Variants in COG7 observed in about 807,000 individuals in gnomAD.
The protein encoded by COG7 is component of oligomeric golgi complex 7.
A neutral mutation model predicts 91.5 loss-of-function variants in COG7; 49 were observed. That is an observed-to-expected ratio of 0.54 (90% CI 0.43 to 0.68). The LOEUF (loss-of-function observed/expected upper bound fraction) is 0.68. Among genes scored for constraint, COG7 ranks in the 30% least tolerant of loss-of-function variants. The probability of loss-of-function intolerance (pLI) is 0.00; values close to 1 mark genes in which losing one functional copy is unlikely to be tolerated. For synonymous variants in COG7, 365 were observed against 388.7 expected (o/e 0.94, Z 0.72); for missense variants, 895 against 961.3 (o/e 0.93, Z 0.91).
At chr16:23,442,370 A>C in intron 4 of COG7, 107 bp downstream of exon 4, 3 of 1,045,634 alleles carry the variant, frequency 2.9e-6, no homozygotes, top group Non-Finnish European at 4.4e-6. Context: ...AGTTCCTTCT[A>C]ATCTATGTAA....
At chr16:23,441,089 G>T (rs938590661) in intron 4 of COG7, among the ~76,000 whole-genome samples, 3 of 152,092 alleles carry the variant, frequency 2.0e-5, no homozygotes, top group Admixed American at 6.6e-5. Context: ...TTTAAGGAAG[G>T]TGATTTTCTA....
chr16:23,400,367 G>A (rs1397177605), intron 13 of COG7, among the ~76,000 whole-genome samples: 2 of 152,180 alleles, frequency 1.3e-5, no homozygotes, highest in Non-Finnish European at 2.9e-5. Flanking sequence ...AATCCTTGGT[G>A]GTTTGTCGGC....
chr16:23,440,553 G>A (rs1392896449), intron 4 of COG7, among the ~76,000 whole-genome samples: 1 of 151,566 alleles, frequency 6.6e-6, no homozygotes, highest in Non-Finnish European at 1.5e-5. Context: ...TCACTCCTGG[G>A]CTCAAGCGAT....
At chr16:23,448,225 G>C (rs1001580169) in intron 1 of COG7, among the ~76,000 whole-genome samples, 10 of 152,078 alleles carry the variant, frequency 6.6e-5, no homozygotes, top group African/African-American at 1.9e-4. Flanking sequence ...AACTCCCAAG[G>C]CTGGCCAGAA....
intron 1 of COG7, among the ~76,000 whole-genome samples, chr16:23,449,989 T>C (rs1964242784): frequency 1.3e-5 from 2 of 151,914 alleles, no homozygotes; most frequent in South Asian, 4.2e-4. Context: ...GGCTGGAGTG[T>C]AGTGGTGGGA....
At chr16:23,426,818 C>CAAAAAAAAAAAAAAAAAAAAAAAAAA (rs1176659874) in intron 6 of COG7, among the ~76,000 whole-genome samples, 2 of 60,232 alleles carry the variant, frequency 3.3e-5, no homozygotes, top group Non-Finnish European at 6.7e-5. Flanking sequence ...AGCAATTGGA[C>CAAAAAAAAAAAAAAAAAAAAAAAAAA]AAAAAAAAAA....
chr16:23,393,320 G>C lies in COG7; in HGVS notation c.1915C>G (p.Leu639Val). The C allele has an allele frequency of 6.2e-7, 1 of 1,614,070 alleles. No individual in the cohort carries two copies. Among genetic ancestry groups the C allele is most frequent in the South Asian group, 1.1e-5 (1 of 91,076 alleles). Residue 639 changes from leucine (L) to valine (V), a missense_variant, in exon 15 of 17, where the codon CTG (leucine) becomes GTG (valine). Physicochemically the swap from Leu to Val is conservative, Grantham distance 32 (BLOSUM62 1). Transcript: ENST00000307149. ...TGAGTCACAAATGGCTCAAGATTCA[G>C]GGGGAGGGACATGATGTACTGCCCG... ...NIGQYIMSLPLNLEPFVTQED... is the reference protein window; with the variant it reads ...NIGQYIMSLPVNLEPFVTQED...
At position 23,418,717 on chromosome 16, in the gene COG7, T is replaced by C. The variant is rs1963697747; in HGVS notation, c.1120A>G (p.Met374Val). The change falls in exon 8 of 17, where the codon ATG (methionine) becomes GTG (valine). Residue 374 changes from methionine to valine, a missense_variant. Coordinates refer to ENST00000307149, the MANE Select transcript of COG7 (RefSeq NM_153603.4). ...DMEESNLLIQ[M>V]SAVPLEHGEV... is the part of the protein sequence containing the mutation. ...GACTTTACCAGAGGCACAGCACTCATCTGGATGAGGAGGTTGCTCTCTTCC... is the reference window on the plus strand; with the variant it reads ...GACTTTACCAGAGGCACAGCACTCACCTGGATGAGGAGGTTGCTCTCTTCC... 6.2e-7 allele frequency: 1 copy of C among 1,613,678 alleles called. No individual in the cohort carries two copies. The highest frequency in any genetic ancestry group is 1.3e-5 in the African/African-American group (1 of 74,896).
At chr16:23,424,994 A>G in intron 6 of COG7, 47 bp from the exon 7 acceptor site, 1 of 1,524,318 alleles carries the variant, frequency 6.6e-7, no homozygotes, top group South Asian at 1.2e-5. Context: ...GGAGCCAAAT[A>G]GGAGCCCACC....
chr16:23,451,015 G>A (rs1964256804), intron 1 of COG7, among the ~76,000 whole-genome samples: 1 of 152,036 alleles, frequency 6.6e-6, no homozygotes, highest in Admixed American at 6.6e-5. Context: ...CCAACATCAT[G>A]AAACCCCATC....
intron 16 of COG7, chr16:23,389,765 T>C: frequency 6.5e-6 from 1 of 152,836 alleles, no homozygotes; most frequent in South Asian, 2.1e-4. Context: ...CGGATACAGA[T>C]TTCTGAGCCT....
At chr16:23,390,190 G>GT (rs1056918558) in intron 16 of COG7, 1,589 of 125,664 alleles carry the variant, frequency 0.013, 21 homozygotes, top group African/African-American at 0.018. Context: ...CCCCTGGCTA[G>GT]TTTTTTTTTT....
intron 4 of COG7, among the ~76,000 whole-genome samples, chr16:23,440,151 G>C (rs1006047200): frequency 3.3e-5 from 5 of 151,818 alleles, no homozygotes; most frequent in African/African-American, 1.2e-4. Flanking sequence ...CACTTTGGGA[G>C]GCCAAGGCAG....
At chr16:23,403,380 C>T (rs1222833436) in intron 13 of COG7, among the ~76,000 whole-genome samples, 1 of 152,252 alleles carries the variant, frequency 6.6e-6, no homozygotes, top group African/African-American at 2.4e-5. Context: ...ATTAGCTCTT[C>T]TGACCTGGCC....
chr16:23,416,553 G>A (rs926755221), intron 9 of COG7: 12 of 274,248 alleles, frequency 4.4e-5, no homozygotes, highest in South Asian at 2.3e-4. Flanking sequence ...AGCTGGTCTC[G>A]AACTCCTGAG....
chr16:23,416,873 G>A, intron 9 of COG7, 94 bp downstream of exon 9: 1 of 1,439,604 alleles, frequency 6.9e-7, no homozygotes. Context: ...GTGTTTCCCA[G>A]GGTTCAGAGA....
intron 4 of COG7, among the ~76,000 whole-genome samples, chr16:23,439,674 T>C (rs1271471190): frequency 3.3e-5 from 5 of 152,174 alleles, no homozygotes; most frequent in Non-Finnish European, 7.3e-5. Flanking sequence ...AGTAGAATGA[T>C]GATTGCTGGC....
At chr16:23,391,016 G>T (rs1347984808) in intron 16 of COG7, among the ~76,000 whole-genome samples, 1 of 152,224 alleles carries the variant, frequency 6.6e-6, no homozygotes, top group African/African-American at 2.4e-5. Context: ...TTTCAGGTGT[G>T]CATGCTTTGC....
At chr16:23,435,678 G>GA (rs1343702256) in intron 4 of COG7, among the ~76,000 whole-genome samples, 5 of 151,666 alleles carry the variant, frequency 3.3e-5, no homozygotes, top group Non-Finnish European at 5.9e-5. Context: ...CAAAAGAAGG[G>GA]AAAAAAAAGC....
Sources: gnomAD v4.1 joint callset for allele counts (sites outside exome capture counted in the v4.1 genomes callset) on GRCh38, gnomAD v4.1.1 for gene constraint, MANE v1.5 for transcripts, NCBI Gene and HGNC (gene_info 2026-07-23, HGNC 2026-07-21) for gene names.